The following TRIOBP variants were observed in gnomAD, a reference collection of about 807,000 sequenced individuals.
The protein encoded by TRIOBP is TRIO and F-actin-binding protein.
Under a neutral mutation model 238.8 loss-of-function variants are expected in TRIOBP, and 169 were observed. The ratio of observed to expected loss-of-function variants is 0.71; its 90% CI spans 0.62 to 0.80. The LOEUF is 0.80. Ranked by LOEUF, TRIOBP falls within the 30% of genes least tolerant of loss-of-function variation. The pLI is 0.00. For synonymous variants in TRIOBP, 1,150 were observed against 1,274.4 expected (o/e 0.90, Z 2.08); for missense variants, 2,838 against 3,122.6 (o/e 0.91, Z 2.17).
intron 3 of TRIOBP, among the ~76,000 whole-genome samples, chr22:37,702,479 C>T (rs989787310): frequency 8.5e-5 from 13 of 152,132 alleles, no homozygotes; most frequent in South Asian, 4.1e-4. Context: ...GTTGGGATTA[C>T]AGGCGTGAGC....
intron 7 of TRIOBP, 158 bp downstream of exon 7, chr22:37,726,661 T>G: frequency 1.3e-6 from 1 of 759,016 alleles, no homozygotes; most frequent in Non-Finnish European, 2.0e-6. Flanking sequence ...TCTCTGTTTC[T>G]GCATATTGGG....
intron 11 of TRIOBP, among the ~76,000 whole-genome samples, chr22:37,746,070 C>CGCCGTCCCGCCGCCTCGCCGCCT (rs1465947600): frequency 6.7e-6 from 1 of 148,312 alleles, no homozygotes; most frequent in Non-Finnish European, 1.5e-5. Flanking sequence ...TCCCGCCGCC[C>CGCCGTCCCGCCGCCTCGCCGCCT]CGCCGCCCTA....
Position 37,733,354 on chromosome 22 carries a change from C to T in TRIOBP, c.4004C>T (p.Pro1335Leu). The change falls in exon 8 of 24, where the codon CCC becomes CTC. Residue 1335 changes from proline to leucine, a missense_variant. This residue lies in a region of TRIOBP where 2,096 missense variants were observed against 2,137.4 expected (regional missense o/e 0.98). Transcript: ENST00000644935. ...CAGGACGAGGGACGGTCACAGCAGC[C>T]CAGCCAAGGCCAGAGCCAACTTCTC... ...QAQDEGRSQQ[P>L]SQGQSQLLRR... 6.4e-7 allele frequency: 1 copy of T among 1,551,484 alleles called. No individual in the cohort carries two copies. The highest frequency in any genetic ancestry group is 1.2e-5 in the South Asian group (1 of 84,118).
At chr22:37,755,713 C>T (rs993817618) in intron 15 of TRIOBP, 54 bp downstream of exon 15, 27 of 1,530,846 alleles carry the variant, frequency 1.8e-5, no homozygotes, top group South Asian at 5.7e-5. Flanking sequence ...CTTGCGTCCC[C>T]GAGTGGGTTT....
At chr22:37,759,496 C>T in intron 17 of TRIOBP, 2 of 1,604,516 alleles carry the variant, frequency 1.2e-6, no homozygotes, top group Non-Finnish European at 1.7e-6. Context: ...CCCAAGGTCA[C>T]CCCGCCTGCA....
Position 37,768,143 on chromosome 22 carries a change from A to T in TRIOBP, c.6542A>T (p.Gln2181Leu), listed in dbSNP as rs1926593218. The T allele has an allele frequency of 6.2e-7, 1 of 1,613,474 alleles. No homozygotes were observed. The highest frequency in any genetic ancestry group is 1.3e-5 in the African/African-American group (1 of 74,904). The change falls in exon 19 of 24, where the codon CAG (glutamine) becomes CTG (leucine). Residue 2181 changes from glutamine (Q) to leucine (L), a missense_variant. Transcript: ENST00000644935. ...SRELSKTRSLQQGPDGLRKQH... is the reference protein window; with the variant it reads ...SRELSKTRSLLQGPDGLRKQH... ...GAGCTGAGCAAAACACGGAGTCTCC[A>T]GCAGGGCCCGGATGGCCTCCGGAAG...
chr22:37,772,950 G>C lies in TRIOBP; in HGVS notation c.*2+186G>C, dbSNP rs189570014. On this transcript the variant is annotated intron_variant, in intron 23 of 23. Coordinates refer to ENST00000644935, the MANE Select transcript of TRIOBP (RefSeq NM_001039141.3). Reference sequence around the variant, plus strand: ...AGATCCCATCAGACCCGGGCCACAGGCTGCTTCATCAGCTTAAGCCTGTTC... The same window carrying C: ...AGATCCCATCAGACCCGGGCCACAGCCTGCTTCATCAGCTTAAGCCTGTTC... 4.1e-4 allele frequency among the ~76,000 whole-genome samples: 63 copies of C among 152,306 alleles called. No homozygotes were observed. In the East Asian group the frequency reaches 0.011, roughly 27 times the overall value.
chr22:37,744,918 T>C (rs1925141554), intron 11 of TRIOBP, among the ~76,000 whole-genome samples: 2 of 151,778 alleles, frequency 1.3e-5, no homozygotes, highest in African/African-American at 4.8e-5. Flanking sequence ...CAAGGTGGAG[T>C]GCAGTGGCAC....
intron 9 of TRIOBP, among the ~76,000 whole-genome samples, chr22:37,736,163 G>T (rs1387000210): frequency 6.6e-6 from 1 of 152,250 alleles, no homozygotes; most frequent in Non-Finnish European, 1.5e-5. Flanking sequence ...GTGCTTTGGT[G>T]CTGCCTTGAA....
chr22:37,715,368 A>G lies in TRIOBP; in HGVS notation c.457-395A>G, dbSNP rs532362024. On this transcript the variant is annotated intron_variant, in intron 5 of 23. Coordinates refer to ENST00000644935, the MANE Select transcript of TRIOBP (RefSeq NM_001039141.3). Reference sequence around the variant, plus strand: ...TTTTTCTTTTTGTTTTTTGAGACAGAGTCTCACTCTGTCACCCAGGCTGGA... The same window carrying G: ...TTTTTCTTTTTGTTTTTTGAGACAGGGTCTCACTCTGTCACCCAGGCTGGA... Among the ~76,000 whole-genome samples, 410 of 148,724 alleles carry G rather than the reference A, an allele frequency of 2.8e-3. 3 individuals are homozygous for G. The highest frequency in any genetic ancestry group is 9.8e-3 in the African/African-American group (394 of 40,092).
intron 15 of TRIOBP, 48 bp downstream of exon 15, chr22:37,755,707 C>G: frequency 6.4e-7 from 1 of 1,561,640 alleles, no homozygotes; most frequent in Non-Finnish European, 8.8e-7. Flanking sequence ...CTTACCCTTG[C>G]GTCCCCGAGT....
rs766424671 is a variant in TRIOBP at position 37,757,974 on chromosome 22, G to A, written c.6049G>A (p.Asp2017Asn). The A allele has an allele frequency of 1.1e-5, 17 of 1,580,792 alleles. No homozygotes were observed. The highest frequency in any genetic ancestry group is 1.4e-5 in the Non-Finnish European group (16 of 1,164,240). The stretch of plus-strand genomic sequence containing the variant: ...GGGCCTGGGTGCCCCCCTGACTGAG[G>A]ACCAGCAAAACCGGCTTAGTGAGGA... ...RRGLGAPLTE[D>N]QQNRLSEEIE... is the part of the protein sequence containing the mutation. Residue 2017 changes from aspartate (D) to asparagine (N), a missense_variant, in exon 16 of 24, where the codon GAC becomes AAC. This residue lies in a region of TRIOBP where 2,096 missense variants were observed against 2,137.4 expected (regional missense o/e 0.98). Coordinates refer to ENST00000644935, the MANE Select transcript of TRIOBP (RefSeq NM_001039141.3).
At chr22:37,748,279 C>T (rs1050248998) in intron 11 of TRIOBP, among the ~76,000 whole-genome samples, 1 of 152,160 alleles carries the variant, frequency 6.6e-6, no homozygotes, top group Non-Finnish European at 1.5e-5. Flanking sequence ...CCTCCTGTAC[C>T]CACCTCACAC....
intron 11 of TRIOBP, among the ~76,000 whole-genome samples, chr22:37,742,408 G>A (rs1015723519): frequency 4.0e-5 from 6 of 151,734 alleles, no homozygotes; most frequent in Admixed American, 1.3e-4. Flanking sequence ...TACTACAGGC[G>A]TGTGCCACCA....
At chr22:37,759,407 C>A (rs778855613) in intron 17 of TRIOBP, 143 bp downstream of exon 17, 2 of 1,274,832 alleles carry the variant, frequency 1.6e-6, no homozygotes, top group East Asian at 4.6e-5. Flanking sequence ...CTCATTTACT[C>A]TCCCCACAGC....
intron 7 of TRIOBP, among the ~76,000 whole-genome samples, chr22:37,730,424 G>A (rs192638407): frequency 4.0e-4 from 61 of 152,268 alleles, no homozygotes; most frequent in African/African-American, 1.3e-3. Context: ...GCTGGAGTTC[G>A]TATGGAAAAT....
At chr22:37,706,995 C>T (rs1020297417) in intron 3 of TRIOBP, among the ~76,000 whole-genome samples, 5 of 151,850 alleles carry the variant, frequency 3.3e-5, no homozygotes, top group African/African-American at 9.7e-5. Flanking sequence ...GGGCCGGGCG[C>T]GGTGGCTCAC....
chr22:37,711,377 G>A (rs6000863), intron 4 of TRIOBP, among the ~76,000 whole-genome samples: 21,448 of 151,818 alleles, frequency 0.14, 3,243 homozygotes, highest in African/African-American at 0.38. Context: ...TCAGGAGGTC[G>A]AGACCAGCCT....
chr22:37,723,840 C>A lies in TRIOBP; in HGVS notation c.1284C>A (p.Pro428=). 1 of 1,597,036 alleles carries A rather than the reference C, an allele frequency of 6.3e-7. No individual in the cohort carries two copies. Among genetic ancestry groups the A allele is most frequent in the Non-Finnish European group, 8.6e-7 (1 of 1,168,278 alleles). Residue 428 remains proline (P), a synonymous_variant, in exon 7 of 24, where the codon CCC becomes CCA. Coordinates refer to ENST00000644935, the MANE Select transcript of TRIOBP (RefSeq NM_001039141.3). ...SSPNRATRDN[P]RTSCAQRDNP... ...CCAATAGAGCCACACGAGACAACCCCAGAACATCCTGCGCCCAGCGGGACA... is the reference window on the plus strand; with the variant it reads ...CCAATAGAGCCACACGAGACAACCCAAGAACATCCTGCGCCCAGCGGGACA...
Sources: allele counts gnomAD v4.1 joint callset (sites outside exome capture counted in the v4.1 genomes callset), GRCh38; gene constraint gnomAD v4.1.1; regional missense constraint gnomAD v4.1.1; transcripts MANE v1.5; gene names NCBI Gene and HGNC (gene_info 2026-07-23, HGNC 2026-07-21).